The following CNTNAP3B variants were observed in gnomAD, a reference collection of about 807,000 sequenced individuals.
The protein encoded by CNTNAP3B is contactin-associated protein-like 3B.
CNTNAP3B carries 25 observed loss-of-function variants against 108.9 expected under a neutral mutation model. That is an observed-to-expected ratio of 0.23 (90% CI 0.17 to 0.32). The LOEUF (loss-of-function observed/expected upper bound fraction) is 0.32. CNTNAP3B is among the 10% of genes least tolerant of loss of function. The pLI is 1.00. For synonymous variants in CNTNAP3B, 103 were observed against 473.4 expected, an observed-to-expected ratio of 0.22 and a Z score of 10.16; for missense variants, 252 against 1,210.4, an observed-to-expected ratio of 0.21 and a Z score of 11.75.
chr9:41,939,758 A>G (rs1252211860), intron 13 of CNTNAP3B, among the ~76,000 whole-genome samples: 16 of 152,278 alleles, frequency 1.1e-4, no homozygotes, highest in African/African-American at 3.9e-4. Flanking sequence ...ATTCCCCATA[A>G]AGTAGTAAAA....
At chr9:41,925,794 C>CTT (rs1167804361) in intron 15 of CNTNAP3B, among the ~76,000 whole-genome samples, 6 of 151,884 alleles carry the variant, frequency 4.0e-5, no homozygotes, top group Non-Finnish European at 7.4e-5. Flanking sequence ...CCTTTTTCAG[C>CTT]TTTTTTTTTC....
At chr9:41,969,670 T>A (rs1825384274) in intron 10 of CNTNAP3B, among the ~76,000 whole-genome samples, 1 of 151,994 alleles carries the variant, frequency 6.6e-6, no homozygotes, top group African/African-American at 2.4e-5. Context: ...CAGGCTGGAG[T>A]GCAGTGGCGC....
chr9:41,981,892 C>CAATAATAATAAT (rs1554746914), intron 9 of CNTNAP3B, among the ~76,000 whole-genome samples: 1 of 34,326 alleles, frequency 2.9e-5, no homozygotes, highest in Non-Finnish European at 6.7e-5. Context: ...TCTCTACAAA[C>CAATAATAATAAT]AATAATAATA....
intron 18 of CNTNAP3B, among the ~76,000 whole-genome samples, chr9:41,919,248 C>T (rs1823603017): frequency 1.3e-5 from 2 of 152,088 alleles, no homozygotes; most frequent in African/African-American, 2.4e-5. Flanking sequence ...AATTCTCCTG[C>T]CTCAGCCTCC....
chr9:41,930,756 A>T (rs1345579229), intron 14 of CNTNAP3B, among the ~76,000 whole-genome samples: 2 of 152,286 alleles, frequency 1.3e-5, no homozygotes, highest in African/African-American at 4.8e-5. Flanking sequence ...GACCTGGAGG[A>T]TCCCCTAGGG....
At chr9:41,941,935 G>T (rs1204627505) in intron 13 of CNTNAP3B, among the ~76,000 whole-genome samples, 1 of 152,200 alleles carries the variant, frequency 6.6e-6, no homozygotes, top group Non-Finnish European at 1.5e-5. Context: ...TCTCCAGCAG[G>T]GGGAGGGAAG....
chr9:41,930,667 C>T (rs1823951231), intron 14 of CNTNAP3B, among the ~76,000 whole-genome samples: 1 of 152,296 alleles, frequency 6.6e-6, no homozygotes, highest in East Asian at 1.9e-4. Context: ...CTTCTGAAAG[C>T]ACACAGCCTA....
rs893787860 is a variant in CNTNAP3B at position 42,123,968 on chromosome 9, C to T, written c.85+5042G>A. Among the ~76,000 whole-genome samples the T allele has an allele frequency of 2.9e-4, 37 of 125,446 alleles. 7 individuals carry two copies. The highest frequency in any genetic ancestry group is 1.2e-3 in the African/African-American group (37 of 30,306). 82.3% of individuals were successfully genotyped at this position (125,446 alleles called of 152,430 possible). On this transcript the variant is annotated intron_variant, in intron 1 of 23. Transcript: ENST00000377561. The stretch of plus-strand genomic sequence containing the variant: ...CTGTGAATTAGAAGCAAGTAATATC[C>T]TCTGTTTTTATACTCTCAAAAAATG...
chr9:42,037,276 A>G (rs1051347058), intron 3 of CNTNAP3B, among the ~76,000 whole-genome samples: 1 of 92,692 alleles, frequency 1.1e-5, no homozygotes, highest in African/African-American at 3.9e-5. Flanking sequence ...ATAATTAAAA[A>G]AAAAAAGAAA....
At chr9:42,037,555 T>C (rs1268869196) in intron 3 of CNTNAP3B, among the ~76,000 whole-genome samples, 1 of 124,004 alleles carries the variant, frequency 8.1e-6, no homozygotes, top group Non-Finnish European at 1.7e-5. Flanking sequence ...ATGAATGAAA[T>C]GAAGCAAGAA....
chr9:41,925,297 GA>G (rs1351238726), intron 15 of CNTNAP3B, among the ~76,000 whole-genome samples: 1 of 151,918 alleles, frequency 6.6e-6, no homozygotes, highest in Admixed American at 6.6e-5. Context: ...GCCTACGTTA[GA>G]AATAGCTTTT....
At chr9:41,956,591 G>C (rs1319597204) in intron 12 of CNTNAP3B, among the ~76,000 whole-genome samples, 2 of 150,072 alleles carry the variant, frequency 1.3e-5, no homozygotes, top group Non-Finnish European at 3.0e-5. Flanking sequence ...AAGAAAATAA[G>C]ATCCACTGTG....
At chr9:42,088,176 C>A in intron 2 of CNTNAP3B, among the ~76,000 whole-genome samples, 1 of 80,014 alleles carries the variant, frequency 1.2e-5, no homozygotes, top group Non-Finnish European at 2.4e-5. Context: ...CCTAGATAAT[C>A]AATAAAAAGT....
chr9:41,962,982 A>G (rs1328176246), intron 11 of CNTNAP3B, among the ~76,000 whole-genome samples: 7 of 151,902 alleles, frequency 4.6e-5, no homozygotes, highest in Non-Finnish European at 1.0e-4. Flanking sequence ...CAAACAAAAA[A>G]AAGAAAATGT....
chr9:42,041,375 T>A (rs1403638859), intron 3 of CNTNAP3B, among the ~76,000 whole-genome samples: 1 of 151,378 alleles, frequency 6.6e-6, no homozygotes, highest in East Asian at 1.9e-4. Context: ...TACAAAGAAT[T>A]TAAACAAATT....
At chr9:41,925,081 T>A (rs1315582918) in intron 15 of CNTNAP3B, among the ~76,000 whole-genome samples, 29 of 152,126 alleles carry the variant, frequency 1.9e-4, no homozygotes, top group Non-Finnish European at 3.5e-4. Flanking sequence ...TTGTCCAGTT[T>A]CTCCAACATG....
chr9:42,063,341 G>A lies in CNTNAP3B; in HGVS notation c.390+13528C>T, dbSNP rs1176231286. Among the ~76,000 whole-genome samples the A allele has an allele frequency of 1.6e-4, 21 of 132,776 alleles. 4 individuals are homozygous for A. 87.1% of individuals were successfully genotyped at this position (132,776 alleles called of 152,430 possible). On this transcript the variant is annotated intron_variant, in intron 3 of 23. Coordinates refer to ENST00000377561, the MANE Select transcript of CNTNAP3B (RefSeq NM_001201380.3). ...TGGTTGACAGTTTTTGTTATGTTTT[G>A]TTTTTTTCCTTTCAGCACTTGAATA...
At chr9:42,118,303 C>A (rs542756177) in intron 1 of CNTNAP3B, among the ~76,000 whole-genome samples, 24 of 139,408 alleles carry the variant, frequency 1.7e-4, no homozygotes, top group African/African-American at 6.5e-4. Context: ...CTGAATACAG[C>A]AACACATCAA....
intron 15 of CNTNAP3B, among the ~76,000 whole-genome samples, chr9:41,924,665 AC>A (rs1823762091): frequency 6.7e-6 from 1 of 149,094 alleles, no homozygotes; most frequent in Admixed American, 6.6e-5. Flanking sequence ...ACACACACAC[AC>A]ACACACACAC....
Sources: gnomAD v4.1 joint callset for allele counts (sites outside exome capture counted in the v4.1 genomes callset) on GRCh38, gnomAD v4.1.1 for gene constraint, MANE v1.5 for transcripts, NCBI Gene and HGNC (gene_info 2026-07-23, HGNC 2026-07-21) for gene names.